Variants in CPNE4 observed in about 807,000 individuals in gnomAD.
The protein encoded by CPNE4 is copine 4, also known as copine-4.
A neutral mutation model predicts 67.9 loss-of-function variants in CPNE4; 25 were observed. That is an observed-to-expected ratio of 0.37 (90% confidence interval 0.27 to 0.51). The LOEUF is 0.51. Among genes scored for constraint, CPNE4 ranks in the 20% least tolerant of loss-of-function variants. The pLI, the probability that CPNE4 is intolerant of heterozygous loss-of-function variation, is 0.93. For synonymous variants in CPNE4, 242 were observed against 244.9 expected (o/e 0.99, Z 0.11); for missense variants, 464 against 690.8 (o/e 0.67, Z 3.68).
chr3:131,574,756 A>C (rs1218641990), intron 10 of CPNE4, among the ~76,000 whole-genome samples: 1 of 152,082 alleles, frequency 6.6e-6, no homozygotes, highest in Non-Finnish European at 1.5e-5. Context: ...CAGGTGATGG[A>C]ATCTGACAGG....
rs1383992162 is a variant in CPNE4 at position 131,872,193 on chromosome 3, T to TAGA, written c.180+33070_180+33071insTCT. Among the ~76,000 whole-genome samples the TAGA allele has an allele frequency of 5.3e-5, 8 of 151,852 alleles. No homozygotes were observed. In the South Asian group the frequency reaches 6.3e-4, roughly 12 times the overall value. ...ATGCATGTGTGTGCGTGTGTGTGTG[T>TAGA]GTAGAGAGAGAGAGAGAAACAGAGA... On this transcript the variant is annotated intron_variant, in intron 2 of 15. Coordinates refer to ENST00000429747, the MANE Select transcript of CPNE4 (RefSeq NM_130808.3).
At chr3:131,684,331 T>C (rs184952366) in intron 6 of CPNE4, among the ~76,000 whole-genome samples, 48 of 152,336 alleles carry the variant, frequency 3.2e-4, no homozygotes, top group Non-Finnish European at 5.1e-4. Context: ...GGTAATGAGA[T>C]GCCACTCAGG....
chr3:131,564,980 T>A (rs968209971), intron 10 of CPNE4, among the ~76,000 whole-genome samples: 1 of 152,034 alleles, frequency 6.6e-6, no homozygotes, highest in Non-Finnish European at 1.5e-5. Flanking sequence ...GAGTGGGAAG[T>A]GGAGAAGGGA....
At chr3:131,886,495 G>A (rs988170888) in intron 2 of CPNE4, among the ~76,000 whole-genome samples, 2 of 152,216 alleles carry the variant, frequency 1.3e-5, no homozygotes, top group Non-Finnish European at 2.9e-5. Flanking sequence ...CCCTACTGGG[G>A]CATCGCCAGA....
intron 6 of CPNE4, among the ~76,000 whole-genome samples, chr3:131,684,719 G>A (rs2080845352): frequency 6.6e-6 from 1 of 152,056 alleles, no homozygotes; most frequent in African/African-American, 2.4e-5. Context: ...AGCATAACTG[G>A]GTCTTCTCTC....
chr3:131,850,806 T>A (rs1370466416), intron 2 of CPNE4, among the ~76,000 whole-genome samples: 1 of 152,116 alleles, frequency 6.6e-6, no homozygotes, highest in Non-Finnish European at 1.5e-5. Flanking sequence ...TTTATCCCCA[T>A]TTTGTAGAGT....
chr3:131,885,882 C>T (rs73206037), intron 2 of CPNE4, among the ~76,000 whole-genome samples: 12,843 of 152,208 alleles, frequency 0.084, 621 homozygotes, highest in East Asian at 0.17. Flanking sequence ...GACGTAGGTG[C>T]TATTAATTCA....
intron 2 of CPNE4, among the ~76,000 whole-genome samples, chr3:131,738,603 G>A (rs1029346704): frequency 6.9e-6 from 1 of 145,158 alleles, no homozygotes; most frequent in Non-Finnish European, 1.6e-5. Flanking sequence ...TTAAATATGG[G>A]GTTTTTGGTT....
intron 5 of CPNE4, among the ~76,000 whole-genome samples, chr3:131,686,246 G>A (rs879813267): frequency 6.6e-6 from 1 of 152,090 alleles, no homozygotes; most frequent in South Asian, 2.1e-4. Flanking sequence ...GTCAGTACTT[G>A]GTTAGTTGAA....
At chr3:132,035,126 G>T, upstream of CPNE4, 1 of 920,994 alleles carries the variant, frequency 1.1e-6, no homozygotes, top group Non-Finnish European at 1.3e-6. Flanking sequence ...CCGAGCTCAG[G>T]CCCCGCCCAG....
intron 3 of CPNE4, among the ~76,000 whole-genome samples, chr3:131,715,448 G>A (rs868149578): frequency 4.6e-5 from 7 of 152,344 alleles, no homozygotes; most frequent in African/African-American, 1.7e-4. Flanking sequence ...CAAGCTATTA[G>A]AATAGATGGA....
At chr3:131,889,863 T>C (rs145764239) in intron 2 of CPNE4, among the ~76,000 whole-genome samples, 7 of 152,288 alleles carry the variant, frequency 4.6e-5, no homozygotes, top group African/African-American at 7.2e-5. Context: ...CTTCAATAAA[T>C]GGTATTGGGA....
intron 6 of CPNE4, among the ~76,000 whole-genome samples, chr3:131,672,109 T>C (rs1186476140): frequency 6.6e-6 from 1 of 152,128 alleles, no homozygotes; most frequent in East Asian, 1.9e-4. Context: ...TTTTACTTAA[T>C]ATAAAGACCT....
chr3:131,818,756 G>T (rs994896452), intron 2 of CPNE4, among the ~76,000 whole-genome samples: 5 of 152,154 alleles, frequency 3.3e-5, no homozygotes, highest in Non-Finnish European at 7.4e-5. Flanking sequence ...ATTTTAGGAA[G>T]TTGTTGAGAT....
chr3:131,624,796 T>C (rs1029990397), intron 7 of CPNE4, among the ~76,000 whole-genome samples: 3 of 152,202 alleles, frequency 2.0e-5, no homozygotes, highest in Admixed American at 2.0e-4. Context: ...AAACGTGCTC[T>C]TTCCCTACAC....
chr3:131,953,239 TAAAA>T (rs1167094357), intron 1 of CPNE4, among the ~76,000 whole-genome samples: 1 of 97,128 alleles, frequency 1.0e-5, no homozygotes, highest in Non-Finnish European at 2.0e-5. Flanking sequence ...AATGATCAAT[TAAAA>T]AAAAAAAAAA....
chr3:131,604,291 A>G (rs994337286), intron 7 of CPNE4, among the ~76,000 whole-genome samples: 6 of 152,182 alleles, frequency 3.9e-5, no homozygotes, highest in African/African-American at 7.2e-5. Context: ...CTCATTTGAT[A>G]TGGAGGAAAG....
intron 1 of CPNE4, among the ~76,000 whole-genome samples, chr3:132,024,674 C>T (rs1179937869): frequency 6.6e-6 from 1 of 152,078 alleles, no homozygotes; most frequent in Non-Finnish European, 1.5e-5. Flanking sequence ...TTCGTTCATC[C>T]CACATTACCA....
rs1401200544 is a variant in CPNE4, at chr3:131,806,423, G to A, written c.181-82798C>T. 4.6e-5 allele frequency among the ~76,000 whole-genome samples: 7 copies of A among 151,368 alleles called. No individual in the cohort carries two copies. The East Asian group carries it at 7.8e-4, about 17-fold the overall frequency. ...AAATTAGCCGGGCATAGTGGCGGGCGCCTGTAATCCCAGCTACTCTGGAGG... is the reference window on the plus strand; with the variant it reads ...AAATTAGCCGGGCATAGTGGCGGGCACCTGTAATCCCAGCTACTCTGGAGG... On this transcript the variant is annotated intron_variant, in intron 2 of 15. Coordinates refer to ENST00000429747, the MANE Select transcript of CPNE4 (RefSeq NM_130808.3).
Sources: gnomAD v4.1 joint callset for allele counts (sites outside exome capture counted in the v4.1 genomes callset) on GRCh38, gnomAD v4.1.1 for gene constraint, MANE v1.5 for transcripts, NCBI Gene and HGNC (gene_info 2026-07-23, HGNC 2026-07-21) for gene names.